The following RMP64 variants were observed in gnomAD, a reference collection of about 807,000 sequenced individuals.
RMP64 encodes the protein nucleolus and neural progenitor protein.
chr3:113,006,144 G>A, the RMP64 span: 6,256 of 639,340 alleles, frequency 9.8e-3, 71 homozygotes, highest in South Asian at 0.03. Flanking sequence ...GAACCACATC[G>A]AAAAATTTCA....
the RMP64 span, chr3:113,012,670 A>C: frequency 1.1e-6 from 1 of 917,150 alleles, no homozygotes; most frequent in Non-Finnish European, 1.8e-6. Flanking sequence ...GAAAACTACT[A>C]ATAAGAAACC....
the RMP64 span, chr3:113,019,654 C>A: frequency 1.3e-6 from 2 of 1,595,000 alleles, no homozygotes; most frequent in Admixed American, 3.4e-5. Context: ...TCATGCGAGG[C>A]GGGGGGACTT....
At chr3:113,017,554 G>A in the RMP64 span, 9 of 1,613,904 alleles carry the variant, frequency 5.6e-6, no homozygotes, top group African/African-American at 1.3e-5. Context: ...GCTCTTCAGC[G>A]ACAGTATGAC....
the RMP64 span, chr3:113,004,156 A>C: frequency 6.6e-6 from 1 of 152,248 alleles, no homozygotes; most frequent in Non-Finnish European, 1.5e-5. Flanking sequence ...GAAAGCCAAA[A>C]GGAATATGAA....
At chr3:113,018,468 G>C in the RMP64 span, among the ~76,000 whole-genome samples, 1 of 152,206 alleles carries the variant, frequency 6.6e-6, no homozygotes, top group Non-Finnish European at 1.5e-5. Flanking sequence ...AAAGTGTGTA[G>C]GATGGATATA....
At chr3:113,015,334 T>C in the RMP64 span, among the ~76,000 whole-genome samples, 2 of 152,300 alleles carry the variant, frequency 1.3e-5, no homozygotes, top group African/African-American at 4.8e-5. Context: ...GAGCTTACAT[T>C]ATAGCTGGGA....
the RMP64 span, chr3:113,011,476 A>G: frequency 2.2e-6 from 3 of 1,365,268 alleles, no homozygotes; most frequent in South Asian, 4.4e-5. Context: ...ATAAACTGCA[A>G]GATTGAAAGC....
the RMP64 span, among the ~76,000 whole-genome samples, chr3:113,017,885 A>G: frequency 1.5e-4 from 23 of 152,330 alleles, no homozygotes; most frequent in African/African-American, 5.1e-4. Flanking sequence ...TTTCATATGA[A>G]TACTTTGCTG....
At chr3:113,018,520 C>G in the RMP64 span, among the ~76,000 whole-genome samples, 1 of 152,120 alleles carries the variant, frequency 6.6e-6, no homozygotes, top group African/African-American at 2.4e-5. Flanking sequence ...CTTGTCCAAC[C>G]CGCCTTATTT....
the RMP64 span, among the ~76,000 whole-genome samples, chr3:113,018,762 A>G: frequency 3.9e-5 from 6 of 152,124 alleles, no homozygotes; most frequent in African/African-American, 1.4e-4. Context: ...TGCTTTCTCT[A>G]CATTATCAAC....
chr3:113,011,017 G>C, the RMP64 span: 15 of 1,543,336 alleles, frequency 9.7e-6, no homozygotes, highest in Non-Finnish European at 1.3e-5. Flanking sequence ...TGTTTTACTA[G>C]AGTATGTGCT....
At chr3:113,010,543 C>G in the RMP64 span, 2 of 961,852 alleles carry the variant, frequency 2.1e-6, no homozygotes, top group Non-Finnish European at 3.3e-6. Flanking sequence ...AAGCTTAGAG[C>G]TGGGGATAAA....
the RMP64 span, chr3:113,013,121 T>G: frequency 1.3e-6 from 1 of 785,590 alleles, no homozygotes; most frequent in Non-Finnish European, 2.1e-6. Flanking sequence ...ATCAGGCAAT[T>G]CCTGAGAAAA....
chr3:113,019,444 C>G, the RMP64 span: 1 of 966,766 alleles, frequency 1.0e-6, no homozygotes, highest in South Asian at 1.5e-5. Flanking sequence ...GTCCCCCGGG[C>G]CGGGAAGTCC....
chr3:113,011,023 G>A, the RMP64 span: 1 of 1,561,602 alleles, frequency 6.4e-7, no homozygotes, highest in Non-Finnish European at 8.6e-7. Flanking sequence ...ACTAGAGTAT[G>A]TGCTGTATCA....
chr3:113,013,461 T>A, the RMP64 span: 1 of 1,173,048 alleles, frequency 8.5e-7, no homozygotes, highest in African/African-American at 3.6e-5. Flanking sequence ...GTTTTTTTTT[T>A]GTTTTTTTTT....
At chr3:113,010,788 T>A in the RMP64 span, 1 of 1,162,424 alleles carries the variant, frequency 8.6e-7, no homozygotes. Context: ...GCATGACATT[T>A]CTTGCCAAAT....
chr3:113,019,517 C>A, the RMP64 span: 2 of 1,576,008 alleles, frequency 1.3e-6, no homozygotes, highest in South Asian at 1.1e-5. Flanking sequence ...AACGTTCCCC[C>A]ATCCTCGCCC....
the RMP64 span, among the ~76,000 whole-genome samples, chr3:113,014,200 T>C: frequency 6.6e-6 from 1 of 152,190 alleles, no homozygotes; most frequent in Non-Finnish European, 1.5e-5. Flanking sequence ...CGCAAGCAAT[T>C]GCTTCTAGTT....
Sources: gnomAD v4.1 joint callset for allele counts (sites outside exome capture counted in the v4.1 genomes callset) on GRCh38, gnomAD v4.1.1 for gene constraint, MANE v1.5 for transcripts, NCBI Gene and HGNC (gene_info 2026-07-23, HGNC 2026-07-21) for gene names.